HCN1: variants seen among roughly 807,000 people sequenced by gnomAD.
HCN1 encodes the protein potassium/sodium hyperpolarization-activated cyclic nucleotide-gated channel 1.
Under a neutral mutation model 78.9 loss-of-function variants are expected in HCN1, and 13 were observed. That is an observed-to-expected ratio of 0.16 (90% CI 0.11 to 0.26). The LOEUF is 0.26. Among genes scored for constraint, HCN1 ranks in the 10% least tolerant of loss-of-function variants. The pLI is 1.00. For synonymous variants in HCN1, 552 were observed against 455.5 expected (o/e 1.21, Z -2.70); for missense variants, 810 against 1,154.3 (o/e 0.70, Z 4.32).
chr5:45,548,798 T>A (rs1192382218), intron 2 of HCN1, among the ~76,000 whole-genome samples: 1 of 152,046 alleles, frequency 6.6e-6, no homozygotes, highest in Non-Finnish European at 1.5e-5. Context: ...TTCAGCAAAG[T>A]CTCAGGATAC....
chr5:45,569,593 A>T (rs1306398269), intron 2 of HCN1, among the ~76,000 whole-genome samples: 1 of 152,072 alleles, frequency 6.6e-6, no homozygotes, highest in African/African-American at 2.4e-5. Flanking sequence ...GGTTATTAAT[A>T]TTACAAAAGA....
At chr5:45,362,182 GTGTATC>G (rs1051492268) in intron 4 of HCN1, among the ~76,000 whole-genome samples, 15 of 149,860 alleles carry the variant, frequency 1.0e-4, no homozygotes, top group South Asian at 4.2e-4. Context: ...GTGTGTGTGT[GTGTATC>G]TATCTATGTG....
In HCN1 at chr5:45,396,678, T is replaced by G. The variant is rs745452621; in HGVS notation, c.1044A>C (p.Ala348=). 53 of 1,613,494 alleles carry G rather than the reference T, an allele frequency of 3.3e-5. No homozygotes were observed. The East Asian group carries it at 1.1e-3, about 35-fold the overall frequency. ...NDSWGKQYSY[A]LFKAMSHMLC... is the part of the protein sequence containing the mutation. ...GCATGTGACTCATAGCTTTGAAGAG[T>G]GCGTATGAATACTGCTTTCCCCAAG... Residue 348 remains alanine (A), a synonymous_variant, in exon 4 of 8, where the codon GCA becomes GCC. Coordinates refer to ENST00000303230, the MANE Select transcript of HCN1 (RefSeq NM_021072.4).
chr5:45,350,183 A>G (rs1176743543), intron 5 of HCN1, among the ~76,000 whole-genome samples: 1 of 152,182 alleles, frequency 6.6e-6, no homozygotes, highest in Non-Finnish European at 1.5e-5. Context: ...ACCGCGATCA[A>G]GTGGGCTTCA....
intron 2 of HCN1, among the ~76,000 whole-genome samples, chr5:45,505,505 C>G (rs914208691): frequency 1.3e-5 from 2 of 152,048 alleles, no homozygotes; most frequent in Non-Finnish European, 2.9e-5. Flanking sequence ...GTTGCTGTAG[C>G]CTTGTAGTAT....
intron 2 of HCN1, among the ~76,000 whole-genome samples, chr5:45,629,003 TAAAAG>T (rs1476182355): frequency 6.9e-6 from 1 of 145,598 alleles, no homozygotes; most frequent in Non-Finnish European, 1.5e-5. Context: ...AAAAAGAAAA[TAAAAG>T]AAATTATTAA....
At chr5:45,312,005 G>A (rs889876684) in intron 5 of HCN1, among the ~76,000 whole-genome samples, 24 of 152,206 alleles carry the variant, frequency 1.6e-4, no homozygotes, top group African/African-American at 5.8e-4. Flanking sequence ...AAGAGTCCAC[G>A]TTGGAACCCA....
intron 5 of HCN1, among the ~76,000 whole-genome samples, chr5:45,313,142 C>A (rs564587708): frequency 1.3e-5 from 2 of 152,168 alleles, no homozygotes; most frequent in Non-Finnish European, 2.9e-5. Flanking sequence ...ACACCTCACA[C>A]GGCAGAGTAC....
At chr5:45,333,810 G>T (rs771477359) in intron 5 of HCN1, among the ~76,000 whole-genome samples, 15 of 151,686 alleles carry the variant, frequency 9.9e-5, no homozygotes, top group African/African-American at 3.4e-4. Flanking sequence ...TTGTTATAGT[G>T]GTTGCACTAA....
chr5:45,508,207 A>G (rs1742345816), intron 2 of HCN1, among the ~76,000 whole-genome samples: 1 of 152,136 alleles, frequency 6.6e-6, no homozygotes, highest in African/African-American at 2.4e-5. Flanking sequence ...ATGTATGTGA[A>G]AAGTTCATCA....
In HCN1 at chr5:45,372,328, T is replaced by C. The variant is rs948133096; in HGVS notation, c.1231-19082A>G. 6.8e-4 allele frequency among the ~76,000 whole-genome samples: 70 copies of C among 102,444 alleles called. 1 individual carries two copies. In the East Asian group the frequency reaches 0.012, roughly 18 times the overall value. 67.2% of individuals were successfully genotyped at this position (102,444 alleles called of 152,430 possible). ...TATAATATGTGAAATATATATGTTA[T>C]ATAATATATATCATATATATTTTAC... On this transcript the variant is annotated intron_variant, in intron 4 of 7. Transcript: ENST00000303230.
chr5:45,681,881 A>C (rs1303123077), intron 1 of HCN1, among the ~76,000 whole-genome samples: 1 of 152,180 alleles, frequency 6.6e-6, no homozygotes, highest in African/African-American at 2.4e-5. Context: ...GCTGTGAAAG[A>C]AGGGCCATGC....
At chr5:45,330,206 T>C (rs1746316830) in intron 5 of HCN1, among the ~76,000 whole-genome samples, 1 of 151,356 alleles carries the variant, frequency 6.6e-6, no homozygotes, top group Non-Finnish European at 1.5e-5. Context: ...CTTTTGTATG[T>C]TCCAAGATCC....
rs188268978 is a variant in HCN1, at chr5:45,538,297, C to A, written c.850-76290G>T. On this transcript the variant is annotated intron_variant, in intron 2 of 7. Transcript: ENST00000303230. The stretch of plus-strand genomic sequence containing the variant: ...TCTAATTGCTGTGATGCAAAGATCT[C>A]AACTTTTAAGTATTACATTTAAAAT... Among the ~76,000 whole-genome samples, 38 of 152,194 alleles carry A rather than the reference C, an allele frequency of 2.5e-4. No individual in the cohort carries two copies. In the East Asian group the frequency reaches 6.8e-3, roughly 27 times the overall value.
At chr5:45,507,353 C>G (rs1423128608) in intron 2 of HCN1, among the ~76,000 whole-genome samples, 1 of 152,168 alleles carries the variant, frequency 6.6e-6, no homozygotes, top group Non-Finnish European at 1.5e-5. Context: ...AATGCTGCCA[C>G]TGGCACCAAC....
In HCN1 at chr5:45,626,317, A is replaced by T. The variant is rs1187895251; in HGVS notation, c.849+18868T>A. On this transcript the variant is annotated intron_variant, in intron 2 of 7. Transcript: ENST00000303230. ...CACCTCTTCTGAATATTGACGTGGA[A>T]ATCACTGAAATACTACGCTCAGCAA... is the stretch of plus-strand genomic sequence containing the variant. Among the ~76,000 whole-genome samples, 3 of 152,330 alleles carry T rather than the reference A, an allele frequency of 2.0e-5. No individual in the cohort carries two copies. The East Asian group carries it at 5.8e-4, about 29-fold the overall frequency.
chr5:45,398,460 T>C (rs1452663976), intron 3 of HCN1, among the ~76,000 whole-genome samples: 2 of 152,158 alleles, frequency 1.3e-5, no homozygotes, highest in African/African-American at 2.4e-5. Context: ...TGTGTGTGTA[T>C]TTATGTCTAT....
intron 4 of HCN1, among the ~76,000 whole-genome samples, chr5:45,376,156 A>G (rs1395597342): frequency 9.1e-6 from 1 of 109,730 alleles, no homozygotes; most frequent in African/African-American, 3.9e-5. Flanking sequence ...TATATAATAT[A>G]ATATTTTATA....
chr5:45,521,427 T>C (rs746701199), intron 2 of HCN1, among the ~76,000 whole-genome samples: 1 of 151,972 alleles, frequency 6.6e-6, no homozygotes, highest in Non-Finnish European at 1.5e-5. Context: ...CAAGGTTGGT[T>C]TCTTGTGAGG....
Sources: gnomAD v4.1 joint callset for allele counts (sites outside exome capture counted in the v4.1 genomes callset) on GRCh38, gnomAD v4.1.1 for gene constraint, MANE v1.5 for transcripts, NCBI Gene and HGNC (gene_info 2026-07-23, HGNC 2026-07-21) for gene names.